The following PRELID2 variants were observed in gnomAD, a reference collection of about 807,000 sequenced individuals.
The protein encoded by PRELID2 is PRELI domain-containing protein 2.
In PRELID2, 25 loss-of-function variants were observed where a neutral mutation model predicts 28.4. The ratio of observed to expected loss-of-function variants is 0.88; its 90% CI spans 0.64 to 1.23. The LOEUF (loss-of-function observed/expected upper bound fraction) is 1.23, where lower values mean the gene tolerates loss of function less well. PRELID2 is among the 50% of genes most tolerant of loss of function. PRELID2 has a pLI of 0.00. For missense variants in PRELID2, 201 were observed against 214.4 expected, an observed-to-expected ratio of 0.94 and a Z score of 0.39; for synonymous variants, 76 against 71.6, an observed-to-expected ratio of 1.06 and a Z score of -0.31.
intron 1 of PRELID2, among the ~76,000 whole-genome samples, chr5:145,673,400 T>G (rs905405180): frequency 1.3e-5 from 2 of 151,992 alleles, no homozygotes; most frequent in African/African-American, 4.8e-5. Context: ...AGATAAATGT[T>G]TTGTATAAAG....
chr5:145,246,206 C>A, the PRELID2 span, among the ~76,000 whole-genome samples: 3 of 152,018 alleles, frequency 2.0e-5, no homozygotes, highest in South Asian at 6.2e-4. Context: ...AGACAATAAC[C>A]CCTACCGCCA....
chr5:145,579,819 AT>A (rs1203113491), intron 1 of PRELID2, among the ~76,000 whole-genome samples: 1 of 152,012 alleles, frequency 6.6e-6, no homozygotes, highest in Non-Finnish European at 1.5e-5. Flanking sequence ...ACATATTCAC[AT>A]TTTAGTAGCA....
chr5:145,649,407 C>T (rs1754249810), intron 1 of PRELID2, among the ~76,000 whole-genome samples: 2 of 152,198 alleles, frequency 1.3e-5, no homozygotes, highest in African/African-American at 4.8e-5. Flanking sequence ...GATAATTTTG[C>T]CCAGCTGTAA....
At chr5:145,530,589 G>C (rs1451997802) in intron 1 of PRELID2, among the ~76,000 whole-genome samples, 1 of 152,030 alleles carries the variant, frequency 6.6e-6, no homozygotes, top group Non-Finnish European at 1.5e-5. Context: ...AAAGAATAAG[G>C]AGGGAGAGAC....
chr5:145,483,025 A>G (rs1424732501), intron 1 of PRELID2, among the ~76,000 whole-genome samples: 1 of 152,106 alleles, frequency 6.6e-6, no homozygotes, highest in Non-Finnish European at 1.5e-5. Context: ...CTGCGGGTTG[A>G]GGACACCTGT....
chr5:145,422,552 C>T, the PRELID2 span, among the ~76,000 whole-genome samples: 1 of 151,912 alleles, frequency 6.6e-6, no homozygotes, highest in African/African-American at 2.4e-5. Context: ...ACTAGGATTG[C>T]AACCCCTGCC....
At chr5:145,828,731 C>A (rs1441444580) in intron 1 of PRELID2, among the ~76,000 whole-genome samples, 1 of 151,988 alleles carries the variant, frequency 6.6e-6, no homozygotes, top group Non-Finnish European at 1.5e-5. Context: ...CCATATGCCC[C>A]CAAGAAAGCC....
At chr5:145,366,677 G>A in the PRELID2 span, among the ~76,000 whole-genome samples, 1 of 151,668 alleles carries the variant, frequency 6.6e-6, no homozygotes, top group African/African-American at 2.4e-5. Context: ...TGTTGAAATT[G>A]TCTGTGTTCT....
intron 1 of PRELID2, among the ~76,000 whole-genome samples, chr5:145,553,860 C>G (rs1032665335): frequency 1.3e-5 from 2 of 151,984 alleles, no homozygotes; most frequent in Non-Finnish European, 2.9e-5. Context: ...TTACAACAGC[C>G]CTTAGATGAT....
the PRELID2 span, among the ~76,000 whole-genome samples, chr5:145,377,013 G>A: frequency 6.6e-6 from 1 of 152,026 alleles, no homozygotes; most frequent in Non-Finnish European, 1.5e-5. Context: ...AACTTTTGAT[G>A]TGGATATTTA....
intron 1 of PRELID2, among the ~76,000 whole-genome samples, chr5:145,624,052 G>A (rs1401429137): frequency 6.6e-6 from 1 of 152,058 alleles, no homozygotes; most frequent in Admixed American, 6.5e-5. Flanking sequence ...AATAACTCAC[G>A]AATGTGCTTT....
At position 145,581,305 on chromosome 5, in the gene PRELID2, T is replaced by C. The variant is rs138977945; in HGVS notation, n.71-107990A>G. 7.1e-3 allele frequency among the ~76,000 whole-genome samples: 1,088 copies of C among 152,184 alleles called. 9 individuals carry two copies. The highest frequency in any genetic ancestry group is 0.011 in the Non-Finnish European group (779 of 67,980). On this transcript the variant is annotated intron_variant and non_coding_transcript_variant, in intron 1 of 2. Transcript: ENST00000510259. ...ATGTGTTGTCAATATCATCACACAT[T>C]TGTTCAGGCCACACCATAAGCCTAA... is the stretch of plus-strand genomic sequence containing the variant.
intron 1 of PRELID2, among the ~76,000 whole-genome samples, chr5:145,732,394 T>C (rs141881622): frequency 6.6e-6 from 1 of 152,204 alleles, no homozygotes; most frequent in African/African-American, 2.4e-5. Flanking sequence ...AGAGTTCATA[T>C]AGATCACTAG....
At chr5:145,740,607 T>TATATAA (rs1756651297) in intron 1 of PRELID2, among the ~76,000 whole-genome samples, 1 of 9,852 alleles carries the variant, frequency 1.0e-4, no homozygotes, top group Admixed American at 2.1e-3. Context: ...ATATATATTA[T>TATATAA]ATATATAAAT....
At chr5:145,628,883 T>A (rs181322758) in intron 1 of PRELID2, among the ~76,000 whole-genome samples, 198 of 152,252 alleles carry the variant, frequency 1.3e-3, no homozygotes, top group African/African-American at 4.5e-3. Flanking sequence ...GCAGAATGAG[T>A]GGACTTCCTT....
intron 1 of PRELID2, among the ~76,000 whole-genome samples, chr5:145,539,733 ATATAGTTAAT>A (rs1752731014): frequency 6.6e-6 from 1 of 151,840 alleles, no homozygotes; most frequent in Non-Finnish European, 1.5e-5. Flanking sequence ...CATAATTGTA[ATATAGTTAAT>A]TATGATAAGC....
intron 1 of PRELID2, among the ~76,000 whole-genome samples, chr5:145,748,347 C>G (rs1237228748): frequency 6.6e-6 from 1 of 152,070 alleles, no homozygotes; most frequent in African/African-American, 2.4e-5. Context: ...GACAGAGAGC[C>G]AAATCATGAA....
chr5:145,820,116 G>GT (rs778856565), intron 2 of PRELID2, 98 bp from the exon 3 acceptor site: 3 of 540,818 alleles, frequency 5.5e-6, no homozygotes, highest in Non-Finnish European at 6.2e-6. Context: ...TTTGTTTTTT[G>GT]TTTTTTGTTT....
the PRELID2 span, among the ~76,000 whole-genome samples, chr5:145,430,278 T>A: frequency 6.6e-5 from 10 of 152,200 alleles, no homozygotes; most frequent in African/African-American, 2.4e-4. Flanking sequence ...TTAAACTGTA[T>A]CTTTTGGTAT....
Sources: allele counts gnomAD v4.1 joint callset (sites outside exome capture counted in the v4.1 genomes callset), GRCh38; gene constraint gnomAD v4.1.1; transcripts MANE v1.5; gene names NCBI Gene and HGNC (gene_info 2026-07-23, HGNC 2026-07-21).